Variants in XYLT1 observed in about 807,000 individuals in gnomAD.
XYLT1 encodes beta-D-xylosyltransferase 1.
XYLT1 carries 36 observed loss-of-function variants against 91.3 expected under a neutral mutation model. The observed-to-expected ratio is 0.39, with a 90% CI of 0.30 to 0.52. The LOEUF (loss-of-function observed/expected upper bound fraction) is 0.52. Among genes scored for constraint, XYLT1 ranks in the 20% least tolerant of loss-of-function variants. The pLI is 0.68. For missense variants in XYLT1, 1,242 were observed against 1,284.5 expected, an observed-to-expected ratio of 0.97 and a Z score of 0.51; for synonymous variants, 588 against 532.0, an observed-to-expected ratio of 1.11 and a Z score of -1.45.
intron 6 of XYLT1, among the ~76,000 whole-genome samples, chr16:17,151,201 G>A (rs111967078): frequency 0.025 from 3,812 of 152,254 alleles, 186 homozygotes; most frequent in African/African-American, 0.087. Flanking sequence ...CGAGGCAGGC[G>A]GATCACTTGA....
chr16:17,406,403 T>C (rs1194115530), intron 1 of XYLT1, among the ~76,000 whole-genome samples: 1 of 152,208 alleles, frequency 6.6e-6, no homozygotes, highest in Non-Finnish European at 1.5e-5. Context: ...CTGCTTCCCC[T>C]CTCTGTGCTC....
At chr16:17,223,035 GAA>G (rs535714440) in intron 3 of XYLT1, among the ~76,000 whole-genome samples, 24 of 127,334 alleles carry the variant, frequency 1.9e-4, no homozygotes, top group Admixed American at 4.0e-4. Flanking sequence ...ACTGCGCCAG[GAA>G]AAAAAAAAAA....
intron 3 of XYLT1, among the ~76,000 whole-genome samples, chr16:17,232,268 AATCT>A (rs1271073929): frequency 1.4e-5 from 2 of 143,034 alleles, no homozygotes; most frequent in African/African-American, 5.1e-5. Context: ...TTATTATTAT[AATCT>A]ATTATAATAA....
chr16:17,427,788 A>C (rs556570926), intron 1 of XYLT1, among the ~76,000 whole-genome samples: 4 of 152,258 alleles, frequency 2.6e-5, no homozygotes, highest in African/African-American at 9.6e-5. Context: ...TCACAGGTTT[A>C]ATAAGCCAGC....
chr16:17,257,067 T>G (rs2033644152), intron 3 of XYLT1, among the ~76,000 whole-genome samples: 1 of 152,202 alleles, frequency 6.6e-6, no homozygotes, highest in African/African-American at 2.4e-5. Flanking sequence ...AAGGGTCTTT[T>G]CCCTTCGGAG....
chr16:17,250,082 G>C (rs940116533), intron 3 of XYLT1: 1 of 152,306 alleles, frequency 6.6e-6, no homozygotes, highest in Non-Finnish European at 1.5e-5. Flanking sequence ...TGCAGATGTG[G>C]CTATTCACTT....
intron 3 of XYLT1, among the ~76,000 whole-genome samples, chr16:17,215,135 C>G (rs531163916): frequency 6.6e-6 from 1 of 152,222 alleles, no homozygotes; most frequent in East Asian, 1.9e-4. Flanking sequence ...GTGGGTGGGT[C>G]ACTTGAAGTC....
intron 2 of XYLT1, among the ~76,000 whole-genome samples, chr16:17,285,874 C>CTGTGTGTGTGTG (rs56267931): frequency 2.5e-4 from 36 of 145,156 alleles, no homozygotes; most frequent in Non-Finnish European, 3.9e-4. Flanking sequence ...TGGTGTATCT[C>CTGTGTGTGTGTG]TGTGTGTGTG....
chr16:17,438,516 C>G (rs532402496), intron 1 of XYLT1, among the ~76,000 whole-genome samples: 1 of 152,152 alleles, frequency 6.6e-6, no homozygotes, highest in Non-Finnish European at 1.5e-5. Flanking sequence ...AAGGTAGACA[C>G]TGATAGCATG....
At chr16:17,280,639 A>T (rs1214674945) in intron 2 of XYLT1, among the ~76,000 whole-genome samples, 1 of 152,202 alleles carries the variant, frequency 6.6e-6, no homozygotes, top group Non-Finnish European at 1.5e-5. Flanking sequence ...TTCAACCACC[A>T]TCTCCCAACC....
chr16:17,320,803 A>T (rs370654975), intron 2 of XYLT1, among the ~76,000 whole-genome samples: 2 of 120,428 alleles, frequency 1.7e-5, no homozygotes, highest in African/African-American at 7.3e-5. Flanking sequence ...TTTCTTAACC[A>T]CTCTGTGCCT....
chr16:17,443,359 G>T (rs1324733698), intron 1 of XYLT1, among the ~76,000 whole-genome samples: 3 of 152,110 alleles, frequency 2.0e-5, no homozygotes, highest in African/African-American at 7.2e-5. Context: ...GTCGAGGGAG[G>T]GACCTGGTGG....
At chr16:17,264,005 T>G (rs2033764614) in intron 2 of XYLT1, among the ~76,000 whole-genome samples, 2 of 149,708 alleles carry the variant, frequency 1.3e-5, no homozygotes, top group Admixed American at 6.6e-5. Context: ...ACACTTAACA[T>G]GAGATCTACC....
chr16:17,377,745 C>G (rs34594476), intron 1 of XYLT1, among the ~76,000 whole-genome samples: 47,110 of 152,058 alleles, frequency 0.31, 7,705 homozygotes, highest in Non-Finnish European at 0.37. Flanking sequence ...CCACGTGATG[C>G]CTGTGAGTTT....
At chr16:17,377,175 T>TCACACACACACACACACACACACCCACC (rs376242678) in intron 1 of XYLT1, among the ~76,000 whole-genome samples, 44 of 150,932 alleles carry the variant, frequency 2.9e-4, no homozygotes, top group Non-Finnish European at 5.2e-4. Context: ...AGACTCTGCC[T>TCACACACACACACACACACACACCCACC]CACACACACA....
intron 1 of XYLT1, among the ~76,000 whole-genome samples, chr16:17,417,595 A>G (rs944830063): frequency 2.0e-5 from 3 of 152,160 alleles, no homozygotes; most frequent in African/African-American, 7.2e-5. Flanking sequence ...AGGACTCTTC[A>G]AAGTTACAAT....
chr16:17,187,066 G>A (rs913139629), intron 5 of XYLT1, among the ~76,000 whole-genome samples: 5 of 152,064 alleles, frequency 3.3e-5, no homozygotes, highest in Non-Finnish European at 5.9e-5. Flanking sequence ...GACTGATATA[G>A]GATAGGAAGA....
chr16:17,209,897 G>C (rs1368981931), intron 3 of XYLT1, among the ~76,000 whole-genome samples: 1 of 152,126 alleles, frequency 6.6e-6, no homozygotes, highest in African/African-American at 2.4e-5. Context: ...TTTTGTTTTT[G>C]TCTTTTTTAA....
chr16:17,321,682 G>A (rs1252322811), intron 2 of XYLT1, among the ~76,000 whole-genome samples: 1 of 152,132 alleles, frequency 6.6e-6, no homozygotes, highest in Non-Finnish European at 1.5e-5. Flanking sequence ...CCTTAGAGCA[G>A]TGGTTCTCAA....
Sources: gnomAD v4.1 joint callset for allele counts (sites outside exome capture counted in the v4.1 genomes callset) on GRCh38, gnomAD v4.1.1 for gene constraint, MANE v1.5 for transcripts, NCBI Gene and HGNC (gene_info 2026-07-23, HGNC 2026-07-21) for gene names.